Variants in FSTL4 observed in about 807,000 individuals in gnomAD.
FSTL4 encodes follistatin like 4, also known as follistatin-related protein 4.
A neutral mutation model predicts 78.2 loss-of-function variants in FSTL4; 28 were observed. That is an observed-to-expected ratio of 0.36 (90% CI 0.27 to 0.49). The LOEUF is 0.49. FSTL4 is among the 20% of genes least tolerant of loss of function. The probability of loss-of-function intolerance (pLI) is 0.98; values close to 1 mark genes in which losing one functional copy is unlikely to be tolerated. For synonymous variants in FSTL4, 422 were observed against 440.5 expected (o/e 0.96, Z 0.53); for missense variants, 922 against 1,084.9 (o/e 0.85, Z 2.11).
chr5:133,480,419 G>T (rs539332483), intron 3 of FSTL4, among the ~76,000 whole-genome samples: 46 of 152,200 alleles, frequency 3.0e-4, no homozygotes, highest in African/African-American at 1.1e-3. Context: ...GTGCTTCATG[G>T]TCATCCTGCG....
At chr5:133,367,163 A>G (rs570355828) in intron 4 of FSTL4, among the ~76,000 whole-genome samples, 9 of 152,112 alleles carry the variant, frequency 5.9e-5, no homozygotes, top group Non-Finnish European at 2.9e-5. Context: ...GACAGAGCCA[A>G]CTGATCTGCT....
chr5:133,336,287 CAACA>C (rs371657814), intron 4 of FSTL4, among the ~76,000 whole-genome samples: 1,601 of 152,350 alleles, frequency 0.011, 29 homozygotes, highest in African/African-American at 0.035. Flanking sequence ...CCTCATCACT[CAACA>C]AACAAGCACT....
the FSTL4 span, among the ~76,000 whole-genome samples, chr5:133,662,404 A>G: frequency 7.5e-3 from 1,138 of 152,288 alleles, 16 homozygotes; most frequent in Non-Finnish European, 7.4e-3. Context: ...TGAGTTTACC[A>G]AAGTTGGAAT....
At chr5:133,780,532 G>T in the FSTL4 span, among the ~76,000 whole-genome samples, 1 of 152,082 alleles carries the variant, frequency 6.6e-6, no homozygotes, top group Non-Finnish European at 1.5e-5. Flanking sequence ...GGAAGGGTGG[G>T]GACCTGGCCT....
chr5:133,242,360 G>A (rs1202441165), intron 7 of FSTL4, among the ~76,000 whole-genome samples: 1 of 152,148 alleles, frequency 6.6e-6, no homozygotes, highest in Non-Finnish European at 1.5e-5. Context: ...TTCATTGACT[G>A]GGCCTCTGTA....
At chr5:133,800,229 G>A in the FSTL4 span, among the ~76,000 whole-genome samples, 2 of 138,392 alleles carry the variant, frequency 1.4e-5, 1 homozygote, top group South Asian at 4.7e-4. Context: ...TCAAAGCAAG[G>A]GCAAAGAGAT....
intron 4 of FSTL4, among the ~76,000 whole-genome samples, chr5:133,331,856 C>T (rs1754355561): frequency 1.3e-5 from 2 of 152,180 alleles, no homozygotes; most frequent in South Asian, 4.1e-4. Flanking sequence ...GGCTCTCCTT[C>T]CCCGTCACCT....
chr5:133,276,669 C>T (rs1172210363), intron 6 of FSTL4, among the ~76,000 whole-genome samples: 1 of 152,320 alleles, frequency 6.6e-6, no homozygotes, highest in East Asian at 1.9e-4. Flanking sequence ...TAAAACCAGG[C>T]ATCAATATCT....
chr5:133,575,907 C>T (rs1561474899), intron 2 of FSTL4, among the ~76,000 whole-genome samples: 1 of 152,182 alleles, frequency 6.6e-6, no homozygotes, highest in African/African-American at 2.4e-5. Context: ...CTGCTCATAA[C>T]CTTTCTACGA....
intron 3 of FSTL4, among the ~76,000 whole-genome samples, chr5:133,512,781 T>G (rs1409077111): frequency 6.6e-6 from 1 of 152,014 alleles, no homozygotes; most frequent in Non-Finnish European, 1.5e-5. Flanking sequence ...GAGGTAGGAC[T>G]GGGTGGAAAG....
chr5:133,728,034 A>G, the FSTL4 span, among the ~76,000 whole-genome samples: 1 of 152,222 alleles, frequency 6.6e-6, no homozygotes, highest in Non-Finnish European at 1.5e-5. Flanking sequence ...AGGGGCCAAG[A>G]TGACAGTAGC....
At chr5:133,332,372 C>G (rs17683909) in intron 4 of FSTL4, among the ~76,000 whole-genome samples, 2 of 152,220 alleles carry the variant, frequency 1.3e-5, no homozygotes, top group East Asian at 3.9e-4. Context: ...GCTGCCTTGT[C>G]TGTCATGGTA....
chr5:133,617,692 A>G, the FSTL4 span, among the ~76,000 whole-genome samples: 1 of 152,272 alleles, frequency 6.6e-6, no homozygotes, highest in African/African-American at 2.4e-5. Context: ...TCTCCTTGAT[A>G]AAGTGTTAGC....
intron 4 of FSTL4, among the ~76,000 whole-genome samples, chr5:133,325,421 TGGGG>T (rs1162648791): frequency 1.1e-4 from 17 of 152,110 alleles, no homozygotes; most frequent in Non-Finnish European, 1.6e-4. Flanking sequence ...TCTCCCTTCT[TGGGG>T]TCACTCTACT....
chr5:133,327,971 C>T (rs542807864), intron 4 of FSTL4, among the ~76,000 whole-genome samples: 82 of 152,344 alleles, frequency 5.4e-4, no homozygotes, highest in African/African-American at 1.5e-3. Flanking sequence ...AAACTATTCT[C>T]AGTCAGTTTC....
At chr5:133,528,495 G>A (rs76647947) in intron 3 of FSTL4, among the ~76,000 whole-genome samples, 6,211 of 152,134 alleles carry the variant, frequency 0.041, 437 homozygotes, top group African/African-American at 0.14. Context: ...GTCTGGATTC[G>A]ACACCACATG....
At chr5:133,659,137 T>C in the FSTL4 span, among the ~76,000 whole-genome samples, 1 of 152,146 alleles carries the variant, frequency 6.6e-6, no homozygotes, top group African/African-American at 2.4e-5. Flanking sequence ...TATATTACTC[T>C]AATGTTCCAT....
chr5:133,243,791 C>G (rs17166433), intron 7 of FSTL4: 9,859 of 152,402 alleles, frequency 0.065, 1,072 homozygotes, highest in African/African-American at 0.22. Flanking sequence ...TTCAACCCAA[C>G]AGCCATTACC....
rs199754000 is a variant in FSTL4, at chr5:133,230,229, CG to C, written c.1015+3187del. ...CCACATGAATCGCATAGGGGCAGGT[CG>C]GGGGAGCCTGGTAAAGCACGATGCT... On this transcript the variant is annotated intron_variant, in intron 8 of 15. Transcript: ENST00000265342. Among the ~76,000 whole-genome samples, 1,165 of 152,198 alleles carry C rather than the reference CG, an allele frequency of 7.7e-3. 14 individuals are homozygous for C. Among genetic ancestry groups the C allele is most frequent in the South Asian group, 0.051 (247 of 4,814 alleles).
Sources: gnomAD v4.1 joint callset for allele counts (sites outside exome capture counted in the v4.1 genomes callset) on GRCh38, gnomAD v4.1.1 for gene constraint, MANE v1.5 for transcripts, NCBI Gene and HGNC (gene_info 2026-07-23, HGNC 2026-07-21) for gene names.